Variants in C6orf163 observed in about 807,000 individuals in gnomAD.
C6orf163 encodes the protein uncharacterized protein C6orf163.
Under a neutral mutation model 28.4 loss-of-function variants are expected in C6orf163, and 22 were observed. That is an observed-to-expected ratio of 0.78 (90% CI 0.55 to 1.11). The LOEUF (loss-of-function observed/expected upper bound fraction) is 1.11. Among genes scored for constraint, C6orf163 ranks in the 50% least tolerant of loss-of-function variants. C6orf163 has a pLI of 0.00. For missense variants in C6orf163, 342 were observed against 389.1 expected, an observed-to-expected ratio of 0.88 and a Z score of 1.02; for synonymous variants, 110 against 123.6, an observed-to-expected ratio of 0.89 and a Z score of 0.73.
At chr6:87,359,102 A>C (rs910085665) in intron 4 of C6orf163, 22 of 152,302 alleles carry the variant, frequency 1.4e-4, no homozygotes, top group African/African-American at 5.1e-4. Context: ...GGCTGCCCCC[A>C]ACAAGCAAGG....
At chr6:87,348,013 A>G (rs390272) in intron 1 of C6orf163, 217,072 of 492,990 alleles carry the variant, frequency 0.44, 49,397 homozygotes, top group Non-Finnish European at 0.45. Flanking sequence ...AAAATTAGTC[A>G]GGCATGGTGG....
Position 87,348,872 on chromosome 6 carries a change from A to T in C6orf163, c.209A>T (p.His70Leu). 6.5e-7 allele frequency: 1 copy of T among 1,537,656 alleles called. No homozygotes were observed. Residue 70 changes from histidine to leucine, a missense_variant, in exon 2 of 5, where the codon CAC becomes CTC. Physicochemically the swap from His to Leu is moderately conservative, Grantham distance 99. Transcript: ENST00000388923. ...EQFQEDILREHIAKAEAEVWA... is the reference protein window; with the variant it reads ...EQFQEDILRELIAKAEAEVWA... The stretch of plus-strand genomic sequence containing the variant: ...TTTCAAGAAGATATACTCAGAGAAC[A>T]CATTGCGAAAGCAGAAGCTGAAGTA...
chr6:87,345,337 C>T (rs1777306628), intron 1 of C6orf163, 90 bp downstream of exon 1: 1 of 1,298,388 alleles, frequency 7.7e-7, no homozygotes, highest in South Asian at 1.7e-5. Context: ...CAGCTTTTTT[C>T]TCTTCAGAGT....
intron 1 of C6orf163, 195 bp from the exon 2 acceptor site, chr6:87,348,617 C>A: frequency 7.4e-7 from 1 of 1,359,962 alleles, no homozygotes; most frequent in Non-Finnish European, 9.5e-7. Context: ...CTATCCAGGC[C>A]TGACAGTGCT....
intron 2 of C6orf163, 146 bp downstream of exon 2, chr6:87,349,052 G>T: frequency 9.7e-7 from 1 of 1,026,826 alleles, no homozygotes; most frequent in Non-Finnish European, 1.4e-6. Context: ...TACAACCTCT[G>T]TAGTCTTGGT....
At position 87,365,182 on chromosome 6, in the gene C6orf163, G is replaced by A; in HGVS notation, c.776G>A (p.Gly259Glu). The A allele has an allele frequency of 6.4e-7, 1 of 1,551,796 alleles. No homozygotes were observed. Among genetic ancestry groups the A allele is most frequent in the Non-Finnish European group, 8.7e-7 (1 of 1,147,016 alleles). Residue 259 changes from glycine to glutamate, a missense_variant, in exon 5 of 5, where the codon GGG (glycine) becomes GAG (glutamate). Gly to Glu is a moderately conservative substitution (Grantham distance 98). Coordinates refer to ENST00000388923, the MANE Select transcript of C6orf163 (RefSeq NM_001010868.3). ...NMMDKLANTQ[G>E]ELLSIAKQLG... is the part of the protein sequence containing the mutation. ...ATGGATAAACTGGCTAACACCCAGG[G>A]GGAGCTGCTGTCTATAGCAAAACAA...
chr6:87,363,211 T>C (rs1777603705), intron 4 of C6orf163, among the ~76,000 whole-genome samples: 1 of 152,148 alleles, frequency 6.6e-6, no homozygotes, highest in Non-Finnish European at 1.5e-5. Flanking sequence ...ATACCCTACA[T>C]TATAGCCAGA....
chr6:87,360,839 G>T (rs1163394612), intron 4 of C6orf163, among the ~76,000 whole-genome samples: 3 of 152,140 alleles, frequency 2.0e-5, no homozygotes, highest in African/African-American at 7.2e-5. Flanking sequence ...ATTGCCTGTT[G>T]TATACACAAC....
intron 1 of C6orf163, chr6:87,347,528 C>T: frequency 1.0e-6 from 1 of 985,394 alleles, no homozygotes; most frequent in Non-Finnish European, 1.2e-6. Context: ...TGGGCTTTTG[C>T]AGTATGTGTC....
rs997990512 is a variant in C6orf163 at position 87,365,437 on chromosome 6, A to G, written c.*41A>G. 2 of 1,258,064 alleles carry G rather than the reference A, an allele frequency of 1.6e-6. No homozygotes were observed. The highest frequency in any genetic ancestry group is 5.3e-5 in the Admixed American group (2 of 37,622). The allele number at this position is 1,258,064 out of a possible 1,614,324, so 77.9% of individuals were successfully genotyped here. On this transcript the variant is annotated 3_prime_UTR_variant, in exon 5 of 5. Transcript: ENST00000388923. Reference sequence around the variant, plus strand: ...ATTCCACTACAAAAGACATCATTCCAGACTAAATAAATTTACTCAAAAACC... The same window carrying G: ...ATTCCACTACAAAAGACATCATTCCGGACTAAATAAATTTACTCAAAAACC...
At chr6:87,362,900 A>G (rs1458813691) in intron 4 of C6orf163, among the ~76,000 whole-genome samples, 1 of 152,230 alleles carries the variant, frequency 6.6e-6, no homozygotes, top group Non-Finnish European at 1.5e-5. Context: ...GGTTCTGCTC[A>G]AACTATGTTA....
chr6:87,362,153 C>T (rs1213443149), intron 4 of C6orf163, among the ~76,000 whole-genome samples: 1 of 152,170 alleles, frequency 6.6e-6, no homozygotes, highest in Non-Finnish European at 1.5e-5. Flanking sequence ...CTCCATTTCT[C>T]ACCTGTTACA....
chr6:87,357,336 A>C (rs1210626347), intron 4 of C6orf163: 2 of 152,174 alleles, frequency 1.3e-5, no homozygotes, highest in African/African-American at 4.8e-5. Flanking sequence ...CCTGCCCATG[A>C]TCACTGATTT....
chr6:87,353,761 A>G (rs1347289248), intron 3 of C6orf163, among the ~76,000 whole-genome samples: 1 of 152,196 alleles, frequency 6.6e-6, no homozygotes, highest in Non-Finnish European at 1.5e-5. Flanking sequence ...ACTCAGGCTT[A>G]TTACACACAG....
chr6:87,349,311 G>A (rs932231468), intron 2 of C6orf163, among the ~76,000 whole-genome samples: 2 of 152,058 alleles, frequency 1.3e-5, no homozygotes, highest in Non-Finnish European at 2.9e-5. Context: ...GTTTCTTATG[G>A]CCTAACATTT....
intron 3 of C6orf163, among the ~76,000 whole-genome samples, chr6:87,355,656 A>G (rs1263762560): frequency 1.3e-5 from 2 of 152,206 alleles, no homozygotes; most frequent in African/African-American, 2.4e-5. Flanking sequence ...ACATATTGTT[A>G]TATTTCTGTA....
At position 87,356,339 on chromosome 6, in the gene C6orf163, C is replaced by T. The variant is rs1041686414; in HGVS notation, c.390C>T (p.Asn130=). 2 of 1,551,576 alleles carry T rather than the reference C, an allele frequency of 1.3e-6. No homozygotes were observed. The highest frequency in any genetic ancestry group is 8.7e-7 in the Non-Finnish European group (1 of 1,147,006). ...TAKTKTEMYQ[N]MDDEMKREHL... ...AAACTAAGACAGAGATGTATCAAAA[C>T]ATGGATGACGAAATGAAGAGAGAGC... The change falls in exon 4 of 5, where the codon AAC becomes AAT. Residue 130 remains asparagine (N), a synonymous_variant. Coordinates refer to ENST00000388923, the MANE Select transcript of C6orf163 (RefSeq NM_001010868.3).
intron 1 of C6orf163, chr6:87,347,831 G>T (rs1777350598): frequency 1.5e-5 from 15 of 985,522 alleles, no homozygotes; most frequent in African/African-American, 1.7e-5. Context: ...GATCCAGATA[G>T]CTCTAAGAAT....
chr6:87,354,862 A>G (rs1777474470), intron 3 of C6orf163, among the ~76,000 whole-genome samples: 2 of 152,230 alleles, frequency 1.3e-5, no homozygotes, highest in African/African-American at 4.8e-5. Context: ...CTTATAATTT[A>G]GAGTTCTCTT....
Sources: gnomAD v4.1 joint callset for allele counts (sites outside exome capture counted in the v4.1 genomes callset) on GRCh38, gnomAD v4.1.1 for gene constraint, MANE v1.5 for transcripts, NCBI Gene and HGNC (gene_info 2026-07-23, HGNC 2026-07-21) for gene names.